ZNF420: variants seen among roughly 807,000 people sequenced by gnomAD.
ZNF420 encodes the protein ATM and p53-associated KZNF protein.
Under a neutral mutation model 44.7 loss-of-function variants are expected in ZNF420, and 31 were observed. The ratio of observed to expected loss-of-function variants is 0.69; its 90% CI spans 0.52 to 0.94. ZNF420 has a LOEUF of 0.94. ZNF420 is among the 40% of genes least tolerant of loss of function. ZNF420 has a pLI of 0.00. For synonymous variants in ZNF420, 245 were observed against 267.4 expected, an observed-to-expected ratio of 0.92 and a Z score of 0.82; for missense variants, 681 against 827.9, an observed-to-expected ratio of 0.82 and a Z score of 2.18.
At chr19:37,100,870 A>G (rs1487327286) in intron 4 of ZNF420, among the ~76,000 whole-genome samples, 30 of 152,272 alleles carry the variant, frequency 2.0e-4, no homozygotes, top group Non-Finnish European at 2.9e-5. Flanking sequence ...CATTTTAACA[A>G]TGTTAATTCT....
intron 2 of ZNF420, among the ~76,000 whole-genome samples, chr19:37,086,331 C>A (rs369910978): frequency 6.6e-6 from 1 of 152,064 alleles, no homozygotes; most frequent in Non-Finnish European, 1.5e-5. Flanking sequence ...GAGTACTCAG[C>A]GCTTTCTCTG....
chr19:37,059,130 G>T (rs1426969392), intron 1 of ZNF420, among the ~76,000 whole-genome samples: 1 of 152,182 alleles, frequency 6.6e-6, no homozygotes, highest in Non-Finnish European at 1.5e-5. Flanking sequence ...GCGCCCTGAA[G>T]CTCCCCCTCC....
At chr19:37,064,856 G>A (rs1967938661) in intron 1 of ZNF420, among the ~76,000 whole-genome samples, 1 of 152,310 alleles carries the variant, frequency 6.6e-6, no homozygotes, top group South Asian at 2.1e-4. Flanking sequence ...ACCAGGTCGT[G>A]GGGGTGACAA....
intron 1 of ZNF420, among the ~76,000 whole-genome samples, chr19:37,065,073 G>C (rs999946582): frequency 6.6e-6 from 1 of 152,186 alleles, no homozygotes; most frequent in African/African-American, 2.4e-5. Context: ...TTACAGCTGT[G>C]ATGGTTTAGC....
intron 1 of ZNF420, among the ~76,000 whole-genome samples, chr19:37,014,443 AG>A (rs1384101622): frequency 6.6e-6 from 1 of 152,168 alleles, no homozygotes; most frequent in Non-Finnish European, 1.5e-5. Context: ...TCGGAGCAGA[AG>A]AGCAGTCCCG....
intron 4 of ZNF420, among the ~76,000 whole-genome samples, chr19:37,111,311 C>T (rs2099472487): frequency 6.6e-6 from 1 of 152,140 alleles, no homozygotes; most frequent in Admixed American, 6.5e-5. Flanking sequence ...GTCTGGGTCT[C>T]CTCTTAAGAT....
At chr19:37,059,913 C>T (rs925376548) in intron 1 of ZNF420, among the ~76,000 whole-genome samples, 4 of 151,952 alleles carry the variant, frequency 2.6e-5, no homozygotes, top group Admixed American at 2.6e-4. Context: ...CTCCCTCTGT[C>T]TGTATGTGTG....
intron 1 of ZNF420, among the ~76,000 whole-genome samples, chr19:37,012,323 G>C (rs2074576155): frequency 6.6e-6 from 1 of 152,246 alleles, no homozygotes; most frequent in South Asian, 2.1e-4. Flanking sequence ...AGTCGGCCTA[G>C]CTAATGCGCA....
chr19:37,112,427 A>G (rs1970429873), intron 4 of ZNF420, among the ~76,000 whole-genome samples: 1 of 152,190 alleles, frequency 6.6e-6, no homozygotes, highest in South Asian at 2.1e-4. Flanking sequence ...GCAATGTAAA[A>G]TCTCAGCACT....
At chr19:37,049,141 A>G (rs1967594765) in intron 1 of ZNF420, among the ~76,000 whole-genome samples, 1 of 152,092 alleles carries the variant, frequency 6.6e-6, no homozygotes, top group Non-Finnish European at 1.5e-5. Flanking sequence ...GTTGGTTCCA[A>G]ATCTTTGCTA....
chr19:37,041,264 T>C (rs1216897336), intron 1 of ZNF420, among the ~76,000 whole-genome samples: 1 of 148,156 alleles, frequency 6.7e-6, no homozygotes, highest in Admixed American at 6.8e-5. Flanking sequence ...TGAGCTGAGA[T>C]CATGCCACTG....
intron 4 of ZNF420, among the ~76,000 whole-genome samples, chr19:37,118,304 A>G (rs1970810128): frequency 6.6e-6 from 1 of 152,278 alleles, no homozygotes; most frequent in East Asian, 1.9e-4. Flanking sequence ...CCAGAAGAGA[A>G]GGGGGGCCAA....
In ZNF420 at chr19:37,083,168, CT is replaced by C. The variant is rs754635723; in HGVS notation, c.-81+2795del. ...GCCACCATGCCTGGCCCCGTTTTTGCTTTTTTTTTTTTTTTATTTTAGTAAT... is the reference window on the plus strand; with the variant it reads ...GCCACCATGCCTGGCCCCGTTTTTGCTTTTTTTTTTTTTTATTTTAGTAAT... On this transcript the variant is annotated intron_variant, in intron 2 of 4. Coordinates refer to ENST00000337995, the MANE Select transcript of ZNF420 (RefSeq NM_144689.5). 7.5e-3 allele frequency among the ~76,000 whole-genome samples: 1,032 copies of C among 137,054 alleles called. 5 individuals carry two copies. The highest frequency in any genetic ancestry group is 7.4e-3 in the Non-Finnish European group (464 of 62,636). 89.9% of individuals were successfully genotyped at this position (137,054 alleles called of 152,430 possible).
At chr19:37,088,566 A>G (rs980053091) in intron 2 of ZNF420, among the ~76,000 whole-genome samples, 6 of 152,220 alleles carry the variant, frequency 3.9e-5, no homozygotes, top group Admixed American at 2.0e-4. Flanking sequence ...TATTTATTCT[A>G]TACGTACACA....
At chr19:37,112,880 G>A (rs1970455516) in intron 4 of ZNF420, among the ~76,000 whole-genome samples, 1 of 152,162 alleles carries the variant, frequency 6.6e-6, no homozygotes, top group African/African-American at 2.4e-5. Context: ...TCAGGCCGTG[G>A]GCCATATATC....
At chr19:37,066,649 G>A (rs1372293956) in intron 1 of ZNF420, among the ~76,000 whole-genome samples, 1 of 152,150 alleles carries the variant, frequency 6.6e-6, no homozygotes, top group Non-Finnish European at 1.5e-5. Context: ...ACCAAATGTT[G>A]GCAAAGAGGT....
At chr19:37,088,017 A>G (rs769744317) in intron 2 of ZNF420, among the ~76,000 whole-genome samples, 3 of 152,218 alleles carry the variant, frequency 2.0e-5, no homozygotes, top group Non-Finnish European at 2.9e-5. Flanking sequence ...GTAAAGGGCT[A>G]GACATTTCAT....
intron 1 of ZNF420, among the ~76,000 whole-genome samples, chr19:37,046,762 G>A (rs1013146941): frequency 2.6e-5 from 4 of 152,198 alleles, no homozygotes; most frequent in Admixed American, 2.6e-4. Context: ...TGAAATAGGA[G>A]CCAAGGTATG....
intron 1 of ZNF420, among the ~76,000 whole-genome samples, chr19:37,018,538 A>G (rs921747502): frequency 2.6e-5 from 4 of 152,208 alleles, no homozygotes; most frequent in African/African-American, 9.6e-5. Context: ...GGGTATCTAC[A>G]TAAAAAAGAA....
Sources: gnomAD v4.1 joint callset for allele counts (sites outside exome capture counted in the v4.1 genomes callset) on GRCh38, gnomAD v4.1.1 for gene constraint, MANE v1.5 for transcripts, NCBI Gene and HGNC (gene_info 2026-07-23, HGNC 2026-07-21) for gene names.